Variants in ABI3BP observed in about 807,000 individuals in gnomAD.
ABI3BP encodes target of Nesh-SH3.
In ABI3BP, 216 loss-of-function variants were observed where a neutral mutation model predicts 268.6. The observed-to-expected ratio is 0.80, with a 90% confidence interval of 0.72 to 0.90. The LOEUF (loss-of-function observed/expected upper bound fraction) is 0.90. ABI3BP is among the 40% of genes least tolerant of loss of function. The probability of loss-of-function intolerance (pLI) is 0.00; values close to 1 mark genes in which losing one functional copy is unlikely to be tolerated. For missense variants in ABI3BP, 2,090 were observed against 2,182.4 expected (o/e 0.96, Z 0.84); for synonymous variants, 730 against 730.0 (o/e 1.00, Z 0.00).
chr3:100,828,147 A>T, intron 34 of ABI3BP, among the ~76,000 whole-genome samples: 1 of 152,330 alleles, frequency 6.6e-6, no homozygotes, highest in East Asian at 1.9e-4. Context: ...GAATATGTCA[A>T]ATCTCCCTTA....
chr3:100,920,040 T>C (rs1286661737), intron 2 of ABI3BP, among the ~76,000 whole-genome samples: 1 of 152,222 alleles, frequency 6.6e-6, no homozygotes, highest in East Asian at 1.9e-4. Flanking sequence ...GCTTATTTTG[T>C]TTTTTAATGT....
intron 1 of ABI3BP, among the ~76,000 whole-genome samples, chr3:100,960,397 A>G (rs945910897): frequency 2.0e-5 from 3 of 152,228 alleles, no homozygotes; most frequent in Non-Finnish European, 2.9e-5. Context: ...TCACATATCC[A>G]AAAGACTCAC....
At position 100,781,949 on chromosome 3, in the gene ABI3BP, T is replaced by G. The variant is rs564426943; in HGVS notation, c.4163-1740A>C. Among the ~76,000 whole-genome samples, 8 of 152,204 alleles carry G rather than the reference T, an allele frequency of 5.3e-5. No homozygotes were observed. In the South Asian group the frequency reaches 8.3e-4, roughly 16 times the overall value. On this transcript the variant is annotated intron_variant, in intron 57 of 67. Coordinates refer to ENST00000471714, the MANE Select transcript of ABI3BP (RefSeq NM_001375547.2). The stretch of plus-strand genomic sequence containing the variant: ...GCTAGGAAGCAGTGGGATTCAGGCC[T>G]ACATATGCCAGGATCCAAAGCCTAT...
intron 47 of ABI3BP, 139 bp downstream of exon 47, chr3:100,811,589 G>T: frequency 2.4e-6 from 2 of 836,960 alleles, no homozygotes; most frequent in Non-Finnish European, 3.6e-6. Flanking sequence ...ATTCAAGAAT[G>T]TTGGAAGCTG....
chr3:100,835,820 C>A (rs906747763), intron 27 of ABI3BP, among the ~76,000 whole-genome samples, 160 bp from the exon 28 acceptor site: 3 of 152,124 alleles, frequency 2.0e-5, no homozygotes, highest in Non-Finnish European at 4.4e-5. Flanking sequence ...CTATCATATC[C>A]ATTTATTTCA....
intron 9 of ABI3BP, among the ~76,000 whole-genome samples, chr3:100,870,845 A>G (rs1276993915): frequency 6.6e-6 from 1 of 152,218 alleles, no homozygotes; most frequent in Non-Finnish European, 1.5e-5. Flanking sequence ...CACACACTGG[A>G]GTATTATTCA....
Position 100,778,344 on chromosome 3 carries a change from T to A in ABI3BP, c.4273A>T (p.Thr1425Ser). Residue 1425 changes from threonine (T) to serine (S), a missense_variant, in exon 59 of 68, where the codon ACA (threonine) becomes TCA (serine). Transcript: ENST00000471714. ...TRRPPLPPRPTHPRRKPLPPN... is the reference protein window; with the variant it reads ...TRRPPLPPRPSHPRRKPLPPN... Reference sequence around the variant, plus strand: ...GGTAAAGGTTTTCTTCGTGGGTGTGTAGGTCTGGGTGGCAAGGGTGGGCGG... The same window carrying A: ...GGTAAAGGTTTTCTTCGTGGGTGTGAAGGTCTGGGTGGCAAGGGTGGGCGG... 6.2e-7 allele frequency: 1 copy of A among 1,613,718 alleles called. No homozygotes were observed. The highest frequency in any genetic ancestry group is 8.5e-7 in the Non-Finnish European group (1 of 1,179,768).
chr3:100,908,933 A>T (rs1391987259), intron 2 of ABI3BP, among the ~76,000 whole-genome samples: 1 of 152,234 alleles, frequency 6.6e-6, no homozygotes, highest in African/African-American at 2.4e-5. Flanking sequence ...GAATCAAAAA[A>T]GAGCCTGCAT....
In ABI3BP at chr3:100,749,408, A is replaced by G; in HGVS notation, c.*1087T>C. 1 of 379,324 alleles carries G rather than the reference A, an allele frequency of 2.6e-6. No individual in the cohort carries two copies. The highest frequency in any genetic ancestry group is 4.7e-6 in the Non-Finnish European group (1 of 213,828). The allele number at this position is 379,324 out of a possible 1,614,324, so 23.5% of individuals were successfully genotyped here. A position where few individuals can be genotyped will look rare whatever the true frequency, so the allele number is the denominator to read the frequency against. ...AAATACAAAATGTAGCGTTGATAAG[A>G]TTGAAGCATGTTGAAAGGTAAGTAC... On this transcript the variant is annotated 3_prime_UTR_variant, in exon 68 of 68. Transcript: ENST00000471714.
intron 57 of ABI3BP, among the ~76,000 whole-genome samples, chr3:100,785,477 T>C (rs1215900117): frequency 6.6e-6 from 1 of 152,212 alleles, no homozygotes; most frequent in Non-Finnish European, 1.5e-5. Flanking sequence ...TAGTATTCTC[T>C]AGGCAAATAT....
chr3:100,797,549 A>G (rs1199381875), intron 51 of ABI3BP, among the ~76,000 whole-genome samples: 3 of 148,460 alleles, frequency 2.0e-5, no homozygotes, highest in Non-Finnish European at 4.4e-5. Context: ...CTCAGAAGAA[A>G]GATGAAGAAA....
intron 67 of ABI3BP, among the ~76,000 whole-genome samples, chr3:100,751,204 TAAA>T (rs1286585124): frequency 1.3e-5 from 2 of 152,160 alleles, no homozygotes; most frequent in African/African-American, 2.4e-5. Flanking sequence ...TAGCAGTAGT[TAAA>T]AAATTTTTTT....
At chr3:100,916,257 T>C (rs1329895305) in intron 2 of ABI3BP, among the ~76,000 whole-genome samples, 1 of 152,242 alleles carries the variant, frequency 6.6e-6, no homozygotes, top group Non-Finnish European at 1.5e-5. Context: ...GTCTTTCAAA[T>C]TATAAAGCCA....
At chr3:100,777,925 A>T (rs1372482919) in intron 59 of ABI3BP, among the ~76,000 whole-genome samples, 1 of 152,230 alleles carries the variant, frequency 6.6e-6, no homozygotes. Context: ...AGGAGACAGA[A>T]TGATAAGTCA....
At chr3:100,835,148 A>T (rs554790949) in intron 28 of ABI3BP, among the ~76,000 whole-genome samples, 1 of 152,220 alleles carries the variant, frequency 6.6e-6, no homozygotes, top group Admixed American at 6.5e-5. Flanking sequence ...TCAGACACAC[A>T]TTCCATTACA....
chr3:100,850,644 CT>C lies in ABI3BP; in HGVS notation c.1426+15del. The C allele has an allele frequency of 6.3e-7, 1 of 1,577,764 alleles. No homozygotes were observed. The highest frequency in any genetic ancestry group is 8.7e-7 in the Non-Finnish European group (1 of 1,155,880). The stretch of plus-strand genomic sequence containing the variant: ...TGATGGAAAATAAAGTATGATTTTT[CT>C]GTTAAAAACATTACCCAGTGTTGCC... On this transcript the variant is annotated intron_variant, in intron 16 of 67. Coordinates refer to ENST00000471714, the MANE Select transcript of ABI3BP (RefSeq NM_001375547.2).
chr3:100,786,733 C>T (rs1286838530), intron 57 of ABI3BP, among the ~76,000 whole-genome samples: 1 of 152,010 alleles, frequency 6.6e-6, no homozygotes, highest in Non-Finnish European at 1.5e-5. Flanking sequence ...CCATCTAATC[C>T]CACAGTTGGG....
intron 59 of ABI3BP, among the ~76,000 whole-genome samples, chr3:100,776,189 G>A (rs58073790): frequency 3.9e-5 from 6 of 152,100 alleles, no homozygotes; most frequent in East Asian, 3.9e-4. Context: ...ATGTTCCACC[G>A]GGGAGAAGGA....
chr3:100,772,957 A>G lies in ABI3BP; in HGVS notation c.4531+1648T>C, dbSNP rs148462969. 3.4e-3 allele frequency among the ~76,000 whole-genome samples: 512 copies of G among 151,922 alleles called. 4 individuals are homozygous for G. The highest frequency in any genetic ancestry group is 4.9e-3 in the Non-Finnish European group (335 of 67,936). ...ATGGGGATGGTGACGGGCACCTGTAATCTCAGCTGCTTGGGGAGGCTGAGG... is the reference window on the plus strand; with the variant it reads ...ATGGGGATGGTGACGGGCACCTGTAGTCTCAGCTGCTTGGGGAGGCTGAGG... On this transcript the variant is annotated intron_variant, in intron 61 of 67. Coordinates refer to ENST00000471714, the MANE Select transcript of ABI3BP (RefSeq NM_001375547.2).
Sources: gnomAD v4.1 joint callset for allele counts (sites outside exome capture counted in the v4.1 genomes callset) on GRCh38, gnomAD v4.1.1 for gene constraint, MANE v1.5 for transcripts, NCBI Gene and HGNC (gene_info 2026-07-23, HGNC 2026-07-21) for gene names.